Variants in DAB1 observed in about 807,000 individuals in gnomAD.
The protein encoded by DAB1 is disabled homolog 1.
Under a neutral mutation model 64.6 loss-of-function variants are expected in DAB1, and 15 were observed. That is an observed-to-expected ratio of 0.23 (90% CI 0.16 to 0.36). The LOEUF (loss-of-function observed/expected upper bound fraction) is 0.36. Among genes scored for constraint, DAB1 ranks in the 10% least tolerant of loss-of-function variants. DAB1 has a pLI of 1.00. For synonymous variants in DAB1, 235 were observed against 251.9 expected (o/e 0.93, Z 0.64); for missense variants, 596 against 706.7 (o/e 0.84, Z 1.78).
chr1:57,631,908 G>A (rs1268989514), intron 7 of DAB1, among the ~76,000 whole-genome samples: 1 of 152,126 alleles, frequency 6.6e-6, no homozygotes, highest in East Asian at 1.9e-4. Flanking sequence ...CATGTTACCA[G>A]GACACAGGAC....
At chr1:57,897,738 G>A (rs930462925) in intron 5 of DAB1, among the ~76,000 whole-genome samples, 1 of 152,066 alleles carries the variant, frequency 6.6e-6, no homozygotes, top group African/African-American at 2.4e-5. Context: ...AGGGAATGCA[G>A]GAATGTTAGA....
intron 5 of DAB1, among the ~76,000 whole-genome samples, chr1:58,039,580 G>C (rs6663426): frequency 0.45 from 68,304 of 151,612 alleles, 15,647 homozygotes; most frequent in African/African-American, 0.5. Flanking sequence ...CTTGACCCCC[G>C]CTCAGAGCCT....
At chr1:57,764,180 C>T (rs1649208400) in intron 6 of DAB1, among the ~76,000 whole-genome samples, 1 of 152,176 alleles carries the variant, frequency 6.6e-6, no homozygotes. Context: ...AGTCCCAGAG[C>T]ACTGCATAGC....
intron 4 of DAB1, among the ~76,000 whole-genome samples, chr1:58,264,632 A>C (rs979563934): frequency 2.2e-4 from 34 of 152,234 alleles, no homozygotes; most frequent in Non-Finnish European, 4.6e-4. Flanking sequence ...GCTTGCCTAC[A>C]TCAAACTATT....
intron 7 of DAB1, among the ~76,000 whole-genome samples, chr1:57,520,611 T>C (rs1167264192): frequency 6.6e-6 from 1 of 152,294 alleles, no homozygotes; most frequent in African/African-American, 2.4e-5. Context: ...TTAGACATTG[T>C]TATACTGCTA....
intron 6 of DAB1, among the ~76,000 whole-genome samples, chr1:57,697,659 A>C (rs1646860890): frequency 6.6e-6 from 1 of 152,082 alleles, no homozygotes; most frequent in African/African-American, 2.4e-5. Context: ...TTGTTATGAA[A>C]TGCCTTCAGT....
chr1:57,327,227 T>C (rs1676241811), intron 1 of DAB1, among the ~76,000 whole-genome samples: 2 of 152,044 alleles, frequency 1.3e-5, no homozygotes. Flanking sequence ...AGGCGTGAGC[T>C]ACAATGCCTG....
At chr1:58,032,182 G>A (rs1442586072) in intron 5 of DAB1, among the ~76,000 whole-genome samples, 1 of 152,060 alleles carries the variant, frequency 6.6e-6, no homozygotes, top group Non-Finnish European at 1.5e-5. Flanking sequence ...TTAACAAGAC[G>A]CCAGGTGAGC....
At chr1:58,070,085 C>T (rs543362017) in intron 5 of DAB1, among the ~76,000 whole-genome samples, 1 of 152,314 alleles carries the variant, frequency 6.6e-6, no homozygotes, top group African/African-American at 2.4e-5. Context: ...ACCCAACCAT[C>T]AGGGAGCTGA....
intron 3 of DAB1, among the ~76,000 whole-genome samples, chr1:58,436,772 G>C (rs559217378): frequency 6.6e-6 from 1 of 152,168 alleles, no homozygotes; most frequent in African/African-American, 2.4e-5. Flanking sequence ...ATTACTTCTT[G>C]GTTGTAGAGT....
chr1:57,672,898 T>C (rs1413561333), intron 6 of DAB1, among the ~76,000 whole-genome samples: 1 of 152,190 alleles, frequency 6.6e-6, no homozygotes, highest in South Asian at 2.1e-4. Context: ...TTGGCAAAGA[T>C]GTGAAGACTT....
intron 4 of DAB1, among the ~76,000 whole-genome samples, chr1:58,307,443 G>T (rs1662332867): frequency 6.6e-6 from 1 of 152,192 alleles, no homozygotes; most frequent in Non-Finnish European, 1.5e-5. Flanking sequence ...CAGGCATAGA[G>T]TTATACAGAA....
At chr1:58,394,824 TG>T (rs1332434133) in intron 3 of DAB1, among the ~76,000 whole-genome samples, 1 of 152,180 alleles carries the variant, frequency 6.6e-6, no homozygotes, top group Non-Finnish European at 1.5e-5. Flanking sequence ...TTGATTGTGC[TG>T]GGGGTCATAC....
chr1:58,420,691 G>T (rs75720804), intron 3 of DAB1, among the ~76,000 whole-genome samples: 4,847 of 152,214 alleles, frequency 0.032, 93 homozygotes, highest in African/African-American at 0.057. Flanking sequence ...ACACTTCTGA[G>T]ATGTTTCCTA....
intron 4 of DAB1, among the ~76,000 whole-genome samples, chr1:58,201,141 C>T (rs560671794): frequency 2.0e-5 from 3 of 151,962 alleles, no homozygotes; most frequent in South Asian, 2.1e-4. Context: ...CTCAGCCTCC[C>T]GAGTAACTGG....
intron 4 of DAB1, among the ~76,000 whole-genome samples, chr1:57,105,405 G>A (rs1655053948): frequency 6.6e-6 from 1 of 152,132 alleles, no homozygotes; most frequent in South Asian, 2.1e-4. Flanking sequence ...GTGTCTGTGT[G>A]TGTGTGTATT....
chr1:57,117,448 C>T (rs1656239820), intron 4 of DAB1, among the ~76,000 whole-genome samples: 1 of 152,194 alleles, frequency 6.6e-6, no homozygotes, highest in African/African-American at 2.4e-5. Context: ...ATTAAGTCCC[C>T]AAGATCACAG....
intron 4 of DAB1, among the ~76,000 whole-genome samples, chr1:58,330,108 A>G (rs1317710649): frequency 6.6e-6 from 1 of 152,234 alleles, no homozygotes; most frequent in Non-Finnish European, 1.5e-5. Context: ...ATGCAAAGGA[A>G]AAGTTCTTCA....
At chr1:58,097,279 G>A (rs775383190) in intron 5 of DAB1, among the ~76,000 whole-genome samples, 16 of 152,196 alleles carry the variant, frequency 1.1e-4, no homozygotes, top group Admixed American at 3.3e-4. Flanking sequence ...GCTGGCAAGT[G>A]ATGGAGCAGA....
Sources: allele counts gnomAD v4.1 joint callset (sites outside exome capture counted in the v4.1 genomes callset), GRCh38; gene constraint gnomAD v4.1.1; transcripts MANE v1.5; gene names NCBI Gene and HGNC (gene_info 2026-07-23, HGNC 2026-07-21).